The following FAM3C variants were observed in gnomAD, a reference collection of about 807,000 sequenced individuals.
The protein encoded by FAM3C is protein FAM3C.
A neutral mutation model predicts 32.5 loss-of-function variants in FAM3C; 15 were observed. That is an observed-to-expected ratio of 0.46 (90% CI 0.31 to 0.71). The LOEUF (loss-of-function observed/expected upper bound fraction) is 0.71, where lower values mean the gene tolerates loss of function less well. Ranked by LOEUF, FAM3C falls within the 30% of genes least tolerant of loss-of-function variation. FAM3C has a pLI of 0.05. For synonymous variants in FAM3C, 75 were observed against 86.1 expected, an observed-to-expected ratio of 0.87 and a Z score of 0.72; for missense variants, 175 against 274.4, an observed-to-expected ratio of 0.64 and a Z score of 2.56.
intron 1 of FAM3C, among the ~76,000 whole-genome samples, chr7:121,385,267 A>C (rs1027860384): frequency 3.3e-5 from 5 of 152,164 alleles, no homozygotes; most frequent in South Asian, 2.1e-4. Flanking sequence ...TGGAAAAAAA[A>C]CCCCAAAACT....
At chr7:121,361,375 C>T (rs540538225) in intron 7 of FAM3C, among the ~76,000 whole-genome samples, 4 of 152,340 alleles carry the variant, frequency 2.6e-5, no homozygotes, top group Admixed American at 2.6e-4. Flanking sequence ...TATAACAAGG[C>T]AGCTAACAAA....
chr7:121,364,262 C>T (rs936336485), intron 5 of FAM3C, 74 bp from the exon 6 acceptor site: 3 of 998,784 alleles, frequency 3.0e-6, no homozygotes, highest in Non-Finnish European at 4.6e-6. Context: ...TAAAGTCTTG[C>T]AAAAAAAGTT....
At chr7:121,351,596 G>T (rs1393466659) in intron 8 of FAM3C, 2 of 216,954 alleles carry the variant, frequency 9.2e-6, no homozygotes, top group Admixed American at 5.3e-5. Flanking sequence ...GCCTATCCAG[G>T]CTATCCAAGG....
chr7:121,376,207 T>C (rs942798659), intron 3 of FAM3C, among the ~76,000 whole-genome samples: 5 of 152,226 alleles, frequency 3.3e-5, no homozygotes, highest in African/African-American at 9.6e-5. Flanking sequence ...TGCTGGAACC[T>C]GGATACTTCA....
At chr7:121,371,147 G>A (rs957561553) in intron 5 of FAM3C, among the ~76,000 whole-genome samples, 153 bp downstream of exon 5, 3 of 151,386 alleles carry the variant, frequency 2.0e-5, no homozygotes, top group Admixed American at 6.6e-5. Flanking sequence ...AAGGTCCCTT[G>A]AATTCATGAG....
At chr7:121,394,787 G>C (rs768587150) in intron 1 of FAM3C, among the ~76,000 whole-genome samples, 3 of 152,238 alleles carry the variant, frequency 2.0e-5, no homozygotes, top group Non-Finnish European at 2.9e-5. Context: ...TCGATGAAGT[G>C]ACCAAAACCG....
intron 8 of FAM3C, among the ~76,000 whole-genome samples, chr7:121,358,327 CTG>C (rs765374116): frequency 6.6e-6 from 1 of 151,950 alleles, no homozygotes; most frequent in Non-Finnish European, 1.5e-5. Flanking sequence ...TATTAAGGCT[CTG>C]TCAATTAAAA....
rs60030100 is a variant in FAM3C, at chr7:121,386,692, CATAT to C, written c.-41-3686_-41-3683del. 6.3e-3 allele frequency among the ~76,000 whole-genome samples: 931 copies of C among 147,158 alleles called. 8 individuals carry two copies. Among genetic ancestry groups the C allele is most frequent in the African/African-American group, 0.018 (733 of 40,284 alleles). ...CTATACATACACACACACACGCACA[CATAT>C]ATATATATATATATATGTAATTGGT... On this transcript the variant is annotated intron_variant, in intron 1 of 9. Transcript: ENST00000359943.
chr7:121,392,393 G>A (rs1235678540), intron 1 of FAM3C, among the ~76,000 whole-genome samples: 1 of 152,122 alleles, frequency 6.6e-6, no homozygotes, highest in Non-Finnish European at 1.5e-5. Flanking sequence ...AGAAGAGAGA[G>A]AGTGCAGGAA....
intron 3 of FAM3C, among the ~76,000 whole-genome samples, chr7:121,375,589 A>G (rs1483816503): frequency 6.6e-6 from 1 of 152,222 alleles, no homozygotes; most frequent in Non-Finnish European, 1.5e-5. Context: ...TCATAAAAAC[A>G]GTACAGATTA....
intron 3 of FAM3C, among the ~76,000 whole-genome samples, chr7:121,378,453 G>A (rs1794283298): frequency 6.6e-6 from 1 of 151,998 alleles, no homozygotes; most frequent in Non-Finnish European, 1.5e-5. Context: ...CTGAGTAGCT[G>A]GAATTACAGG....
At chr7:121,358,702 T>C (rs775351760) in intron 8 of FAM3C, among the ~76,000 whole-genome samples, 1 of 151,952 alleles carries the variant, frequency 6.6e-6, no homozygotes, top group Non-Finnish European at 1.5e-5. Context: ...GTGAAATCAC[T>C]GGAAGAGAAA....
intron 8 of FAM3C, among the ~76,000 whole-genome samples, chr7:121,355,702 T>C (rs1793793998): frequency 6.6e-6 from 1 of 152,180 alleles, no homozygotes; most frequent in Admixed American, 6.5e-5. Flanking sequence ...AGCAGCTGGA[T>C]GGTATTCCTG....
At chr7:121,361,388 A>T (rs891648168) in intron 7 of FAM3C, among the ~76,000 whole-genome samples, 2 of 152,230 alleles carry the variant, frequency 1.3e-5, no homozygotes, top group Admixed American at 6.5e-5. Flanking sequence ...CTAACAAACT[A>T]CTTCCATTTA....
At chr7:121,383,117 C>A in intron 1 of FAM3C, 107 bp from the exon 2 acceptor site, 1 of 551,252 alleles carries the variant, frequency 1.8e-6, no homozygotes, top group Non-Finnish European at 3.1e-6. Context: ...TATGACATTT[C>A]TAAGTATTAT....
chr7:121,355,823 T>C (rs1296806278), intron 8 of FAM3C, among the ~76,000 whole-genome samples: 2 of 152,212 alleles, frequency 1.3e-5, no homozygotes, highest in African/African-American at 2.4e-5. Context: ...TAAACATTTT[T>C]ATCAATGACT....
At chr7:121,352,770 A>G (rs1414468150) in intron 8 of FAM3C, among the ~76,000 whole-genome samples, 1 of 152,218 alleles carries the variant, frequency 6.6e-6, no homozygotes, top group Non-Finnish European at 1.5e-5. Flanking sequence ...AAATGCCCCA[A>G]AATTATCACC....
At chr7:121,394,591 T>C (rs573146407) in intron 1 of FAM3C, among the ~76,000 whole-genome samples, 22 of 152,356 alleles carry the variant, frequency 1.4e-4, no homozygotes, top group Non-Finnish European at 1.5e-5. Context: ...ACTCCTTTTA[T>C]TGGCTCCAAC....
rs113657778 is a variant in FAM3C at position 121,360,860 on chromosome 7, G to A, written c.383-733C>T. ...AAAAACAAAACAAAAAAACAAAAAC[G>A]AAACGAAAAAAAGCATAACAATGTT... On this transcript the variant is annotated intron_variant, in intron 7 of 9. Transcript: ENST00000359943. Among the ~76,000 whole-genome samples the A allele has an allele frequency of 3.0e-3, 455 of 151,624 alleles. 4 individuals carry two copies. The highest frequency in any genetic ancestry group is 0.011 in the African/African-American group (435 of 41,362).
Sources: gnomAD v4.1 joint callset for allele counts (sites outside exome capture counted in the v4.1 genomes callset) on GRCh38, gnomAD v4.1.1 for gene constraint, MANE v1.5 for transcripts, NCBI Gene and HGNC (gene_info 2026-07-23, HGNC 2026-07-21) for gene names.